FOXN2: variants seen among roughly 807,000 people sequenced by gnomAD.
FOXN2 encodes the protein forkhead box N2, also known as forkhead box protein N2.
In FOXN2, 19 loss-of-function variants were observed where a neutral mutation model predicts 41.2. The observed-to-expected ratio is 0.46, with a 90% CI of 0.32 to 0.68. The LOEUF (loss-of-function observed/expected upper bound fraction) is 0.68. FOXN2 is among the 30% of genes least tolerant of loss of function. The pLI is 0.03. For synonymous variants in FOXN2, 195 were observed against 176.8 expected (o/e 1.10, Z -0.82); for missense variants, 587 against 509.4 (o/e 1.15, Z -1.47).
rs10206551 is a variant in FOXN2 at position 48,331,148 on chromosome 2, A to T, written c.-15+2446A>T. 5.2e-3 allele frequency among the ~76,000 whole-genome samples: 786 copies of T among 152,312 alleles called. 9 individuals carry two copies. The highest frequency in any genetic ancestry group is 0.018 in the African/African-American group (746 of 41,576). On this transcript the variant is annotated intron_variant, in intron 2 of 6. Transcript: ENST00000340553. Reference sequence around the variant, plus strand: ...ATTCAGTGACTGGCTCAAGGGTACAAGGAAAAAATTAATTTGCCTAAGTTT... The same window carrying T: ...ATTCAGTGACTGGCTCAAGGGTACATGGAAAAAATTAATTTGCCTAAGTTT...
chr2:48,350,814 T>C (rs1671399671), intron 3 of FOXN2, among the ~76,000 whole-genome samples: 1 of 152,234 alleles, frequency 6.6e-6, no homozygotes, highest in Non-Finnish European at 1.5e-5. Flanking sequence ...TAAGCTGTCA[T>C]GCTAGCTAAC....
intron 3 of FOXN2, among the ~76,000 whole-genome samples, chr2:48,347,258 G>A (rs940706911): frequency 8.4e-6 from 1 of 119,426 alleles, no homozygotes; most frequent in African/African-American, 3.2e-5. Flanking sequence ...AGACAGTCTC[G>A]ATCTGTCACC....
Position 48,354,805 on chromosome 2 carries a change from A to G in FOXN2, c.538-4242A>G, listed in dbSNP as rs116320143. 9.5e-3 allele frequency among the ~76,000 whole-genome samples: 1,443 copies of G among 152,356 alleles called. 26 individuals carry two copies. The highest frequency in any genetic ancestry group is 0.034 in the African/African-American group (1,402 of 41,578). On this transcript the variant is annotated intron_variant, in intron 3 of 6. Coordinates refer to ENST00000340553, the MANE Select transcript of FOXN2 (RefSeq NM_002158.4). The stretch of plus-strand genomic sequence containing the variant: ...GAATAGGCAGTTCACAGAGGAGGAA[A>G]CACAAATAGGCAATAAACATAAACA...
At chr2:48,357,485 G>C (rs1370309651) in intron 3 of FOXN2, among the ~76,000 whole-genome samples, 2 of 151,528 alleles carry the variant, frequency 1.3e-5, no homozygotes, top group African/African-American at 2.4e-5. Context: ...TGTTGTAGGT[G>C]CTAACATTTT....
chr2:48,321,414 T>C (rs1405028393), intron 1 of FOXN2, among the ~76,000 whole-genome samples: 4 of 152,136 alleles, frequency 2.6e-5, no homozygotes, highest in Non-Finnish European at 4.4e-5. Flanking sequence ...CGAGTGCCTG[T>C]AGTCCCAGCT....
chr2:48,328,277 A>G (rs1051117830), intron 1 of FOXN2, among the ~76,000 whole-genome samples: 3 of 152,206 alleles, frequency 2.0e-5, no homozygotes, highest in Admixed American at 1.3e-4. Context: ...ATCCCTTGAT[A>G]TCATGGGGGA....
intron 1 of FOXN2, among the ~76,000 whole-genome samples, chr2:48,322,108 G>A (rs1461096010): frequency 6.6e-6 from 1 of 152,040 alleles, no homozygotes; most frequent in Non-Finnish European, 1.5e-5. Flanking sequence ...ACCACGCCTA[G>A]CTAATTTTTT....
At position 48,378,976 on chromosome 2, in the gene FOXN2, G is replaced by C. The variant is rs1673414618; in HGVS notation, c.*3533G>C. 6.6e-6 allele frequency: 1 copy of C among 152,454 alleles called. No individual in the cohort carries two copies. Among genetic ancestry groups the C allele is most frequent in the South Asian group, 2.1e-4 (1 of 4,834 alleles). 9.4% of individuals were successfully genotyped at this position (152,454 alleles called of 1,614,324 possible). A position where few individuals can be genotyped will look rare whatever the true frequency, so the allele number is the denominator to read the frequency against. Reference sequence around the variant, plus strand: ...AAAAATGTATAATTGCCAATTGATTGTAACTATTATTTATTTTTAAATGAA... The same window carrying C: ...AAAAATGTATAATTGCCAATTGATTCTAACTATTATTTATTTTTAAATGAA... On this transcript the variant is annotated 3_prime_UTR_variant, in exon 7 of 7. Transcript: ENST00000340553.
intron 1 of FOXN2, among the ~76,000 whole-genome samples, chr2:48,326,316 A>T (rs77066352): frequency 0.085 from 12,868 of 152,250 alleles, 596 homozygotes; most frequent in South Asian, 0.13. Context: ...AACAAGGGAA[A>T]GAGTGGCAAA....
At chr2:48,320,674 A>G (rs772381300) in intron 1 of FOXN2, among the ~76,000 whole-genome samples, 47 of 152,216 alleles carry the variant, frequency 3.1e-4, no homozygotes, top group Admixed American at 2.5e-3. Context: ...AATACTGGGT[A>G]TTTACCCAAA....
chr2:48,316,880 G>C (rs2104021359), intron 1 of FOXN2, among the ~76,000 whole-genome samples: 1 of 152,296 alleles, frequency 6.6e-6, no homozygotes, highest in East Asian at 1.9e-4. Flanking sequence ...ACTGTATAGA[G>C]AAGTTACAGC....
chr2:48,357,700 T>A (rs1671893996), intron 3 of FOXN2, among the ~76,000 whole-genome samples: 1 of 151,994 alleles, frequency 6.6e-6, no homozygotes, highest in Non-Finnish European at 1.5e-5. Flanking sequence ...CTTCCCAAAG[T>A]GCTAGGATTA....
chr2:48,324,229 CT>C (rs1221483089), intron 1 of FOXN2, among the ~76,000 whole-genome samples: 29 of 109,148 alleles, frequency 2.7e-4, no homozygotes, highest in African/African-American at 9.7e-4. Flanking sequence ...GAGTTTCGCT[CT>C]GTCTCCCAGG....
rs1409828152 is a variant in FOXN2, at chr2:48,376,183, A to G, written c.*740A>G. On this transcript the variant is annotated 3_prime_UTR_variant, in exon 7 of 7. Coordinates refer to ENST00000340553, the MANE Select transcript of FOXN2 (RefSeq NM_002158.4). Reference sequence around the variant, plus strand: ...TTATTGGGGCCTTTTATTCTTTCCCAAAGTGCTTTGCAAACATTAAGTTTT... The same window carrying G: ...TTATTGGGGCCTTTTATTCTTTCCCGAAGTGCTTTGCAAACATTAAGTTTT... 6.6e-6 allele frequency: 1 copy of G among 152,156 alleles called. No homozygotes were observed. Among genetic ancestry groups the G allele is most frequent in the East Asian group, 1.9e-4 (1 of 5,200 alleles). The allele number at this position is 152,156 out of a possible 1,614,324, so 9.4% of individuals were successfully genotyped here.
chr2:48,323,929 C>A (rs1669499966), intron 1 of FOXN2, among the ~76,000 whole-genome samples: 1 of 152,014 alleles, frequency 6.6e-6, no homozygotes, highest in South Asian at 2.1e-4. Flanking sequence ...CAGTTTCATT[C>A]TTCTGCATAT....
chr2:48,337,651 T>C (rs1670455322), intron 2 of FOXN2, among the ~76,000 whole-genome samples: 1 of 152,160 alleles, frequency 6.6e-6, no homozygotes, highest in South Asian at 2.1e-4. Flanking sequence ...TCCATTTCTT[T>C]CGTTGATGGA....
chr2:48,343,540 C>A (rs1330398133), intron 2 of FOXN2, among the ~76,000 whole-genome samples: 1 of 152,208 alleles, frequency 6.6e-6, no homozygotes, highest in East Asian at 1.9e-4. Flanking sequence ...AGGAGGATTG[C>A]TTGAGGCCAA....
In FOXN2 at chr2:48,377,902, T is replaced by G. The variant is rs1673350215; in HGVS notation, c.*2459T>G. On this transcript the variant is annotated 3_prime_UTR_variant, in exon 7 of 7. Transcript: ENST00000340553. ...CATGACTAATAACCACACAATTAAG[T>G]AGAGTCATTCCAAGTCCTATGGCCT... The G allele has an allele frequency of 6.6e-6, 1 of 152,046 alleles. No homozygotes were observed. The highest frequency in any genetic ancestry group is 6.6e-5 in the Admixed American group (1 of 15,264). 9.4% of individuals were successfully genotyped at this position (152,046 alleles called of 1,614,324 possible).
intron 3 of FOXN2, among the ~76,000 whole-genome samples, chr2:48,358,256 C>T (rs1383721253): frequency 6.6e-6 from 1 of 151,916 alleles, no homozygotes; most frequent in Non-Finnish European, 1.5e-5. Flanking sequence ...ATGCAGCAAC[C>T]CTTACGTACG....
Sources: gnomAD v4.1 joint callset for allele counts (sites outside exome capture counted in the v4.1 genomes callset) on GRCh38, gnomAD v4.1.1 for gene constraint, MANE v1.5 for transcripts, NCBI Gene and HGNC (gene_info 2026-07-23, HGNC 2026-07-21) for gene names.